CPLANE1: variants seen among roughly 807,000 people sequenced by gnomAD.
The protein encoded by CPLANE1 is ciliogenesis and planar polarity effector 1.
CPLANE1 carries 263 observed loss-of-function variants against 362.5 expected under a neutral mutation model. That is an observed-to-expected ratio of 0.73 (90% CI 0.66 to 0.80). The LOEUF is 0.80. Ranked by LOEUF, CPLANE1 falls within the 30% of genes least tolerant of loss-of-function variation. CPLANE1 has a pLI of 0.00. For missense variants in CPLANE1, 3,461 were observed against 3,793.4 expected (o/e 0.91, Z 2.30); for synonymous variants, 1,212 against 1,302.6 (o/e 0.93, Z 1.50).
Position 37,164,313 on chromosome 5 carries a change from A to G in CPLANE1, c.7548T>C (p.His2516=), listed in dbSNP as rs1188359773. The change falls in exon 37 of 53, where the codon CAT becomes CAC. Residue 2516 remains histidine (H), a synonymous_variant. Transcript: ENST00000651892. ...IIKKPKEQQE[H]CGSHPLDDFD... ...AGTCATCCAAAGGATGGGAACCACA[A>G]TGTTCTTGTTGTTCCTAAATGAATT... 3.1e-6 allele frequency: 5 copies of G among 1,613,080 alleles called. No individual in the cohort carries two copies. The East Asian group carries it at 6.7e-5, about 22-fold the overall frequency.
At chr5:37,115,924 T>C (rs767022509) in intron 50 of CPLANE1, among the ~76,000 whole-genome samples, 7 of 151,960 alleles carry the variant, frequency 4.6e-5, no homozygotes, top group Non-Finnish European at 1.0e-4. Flanking sequence ...AAGATGCCTC[T>C]CAGTTACTAA....
At chr5:37,183,751 A>T in intron 25 of CPLANE1, 52 bp from the exon 26 acceptor site, 3 of 1,252,390 alleles carry the variant, frequency 2.4e-6, no homozygotes, top group Non-Finnish European at 3.3e-6. Context: ...TAATCACTAA[A>T]ACTGATCTTA....
At chr5:37,211,676 G>A in intron 16 of CPLANE1, 1 of 789,902 alleles carries the variant, frequency 1.3e-6, no homozygotes, top group Non-Finnish European at 2.3e-6. Flanking sequence ...CTGACAGAAT[G>A]CCCCCGCCAT....
intron 27 of CPLANE1, 95 bp downstream of exon 27, chr5:37,180,762 C>T: frequency 8.3e-7 from 1 of 1,205,932 alleles, no homozygotes; most frequent in South Asian, 1.4e-5. Flanking sequence ...AATGCTCATT[C>T]CTTTAACTTT....
intron 46 of CPLANE1, among the ~76,000 whole-genome samples, chr5:37,131,634 G>A (rs56244957): frequency 0.028 from 4,280 of 151,824 alleles, 94 homozygotes; most frequent in Middle Eastern, 0.11. Flanking sequence ...AGGTTCAAGC[G>A]ATTCTCCTGC....
intron 47 of CPLANE1, among the ~76,000 whole-genome samples, chr5:37,123,491 C>T (rs1418702695): frequency 1.3e-5 from 2 of 152,170 alleles, no homozygotes; most frequent in African/African-American, 4.8e-5. Flanking sequence ...AAAGTGTTTG[C>T]AATCTTGAAT....
intron 35 of CPLANE1, 37 bp from the exon 36 acceptor site, chr5:37,165,708 C>T: frequency 6.5e-7 from 1 of 1,550,188 alleles, no homozygotes; most frequent in Non-Finnish European, 8.7e-7. Flanking sequence ...ACTTTTACAA[C>T]TATAGCAACA....
the CPLANE1 span, chr5:37,085,892 T>A: frequency 1.2e-6 from 1 of 856,768 alleles, no homozygotes; most frequent in Non-Finnish European, 1.9e-6. Context: ...TGTACATAAT[T>A]AAAAATAATG....
At chr5:37,157,896 G>C (rs1775593473) in intron 39 of CPLANE1, 28 bp from the exon 40 acceptor site, 2 of 1,194,614 alleles carry the variant, frequency 1.7e-6, no homozygotes, top group Middle Eastern at 3.1e-4. Context: ...AAACCAAAGA[G>C]GGTTACATTC....
At chr5:37,159,029 C>T (rs1776049451) in intron 38 of CPLANE1, among the ~76,000 whole-genome samples, 1 of 151,444 alleles carries the variant, frequency 6.6e-6, no homozygotes, top group Non-Finnish European at 1.5e-5. Context: ...CGTGATCCGC[C>T]CGCCTCAGCC....
chr5:37,093,651 T>C, the CPLANE1 span, among the ~76,000 whole-genome samples: 2 of 152,200 alleles, frequency 1.3e-5, no homozygotes, highest in African/African-American at 4.8e-5. Flanking sequence ...TTACTAATTC[T>C]AGGATGCAAA....
rs964074949 is a variant in CPLANE1, at chr5:37,191,313, G to A, written c.3812-3471C>T. Among the ~76,000 whole-genome samples, 6 of 152,222 alleles carry A rather than the reference G, an allele frequency of 3.9e-5. No individual in the cohort carries two copies. In the East Asian group the frequency reaches 9.6e-4, roughly 24 times the overall value. ...TTCGGCAGGCTGAGGCGGGAGGATC[G>A]ATTGAGCCCAGGAGTTTAGACCAGC... On this transcript the variant is annotated intron_variant, in intron 21 of 52. Coordinates refer to ENST00000651892, the MANE Select transcript of CPLANE1 (RefSeq NM_001384732.1).
chr5:37,216,892 T>C (rs1486940321), intron 15 of CPLANE1, among the ~76,000 whole-genome samples: 1 of 152,224 alleles, frequency 6.6e-6, no homozygotes, highest in Non-Finnish European at 1.5e-5. Flanking sequence ...ATTTCTATCT[T>C]GTTCACTGTA....
chr5:37,171,357 ACTGCTGATCC>A (rs1779740603), intron 32 of CPLANE1, among the ~76,000 whole-genome samples: 1 of 152,216 alleles, frequency 6.6e-6, no homozygotes, highest in African/African-American at 2.4e-5. Context: ...GACTTGAACG[ACTGCTGATCC>A]CTATCCCAAG....
rs190242054 is a variant in CPLANE1, at chr5:37,179,398, G to A, written c.5783C>T (p.Ala1928Val). 6.2e-7 allele frequency: 1 copy of A among 1,612,970 alleles called. No individual in the cohort carries two copies. The highest frequency in any genetic ancestry group is 8.5e-7 in the Non-Finnish European group (1 of 1,179,280). Residue 1928 changes from alanine (A) to valine (V), a missense_variant, in exon 29 of 53, where the codon GCC becomes GTC. Transcript: ENST00000651892. ...SVGGFRSPSL[A>V]ICMMTLPQQL... ...CTGTGGTAAAGTCATCATGCAAATG[G>A]CAAGACTGGGACTTCTGAAACCTCC...
intron 19 of CPLANE1, among the ~76,000 whole-genome samples, chr5:37,200,052 G>C (rs1788691165): frequency 6.6e-6 from 1 of 152,238 alleles, no homozygotes; most frequent in Non-Finnish European, 1.5e-5. Flanking sequence ...AGGGGAGCTA[G>C]TCTTCAGGTG....
At chr5:37,113,140 C>T (rs908476555) in intron 51 of CPLANE1, among the ~76,000 whole-genome samples, 2 of 152,158 alleles carry the variant, frequency 1.3e-5, no homozygotes, top group Non-Finnish European at 2.9e-5. Context: ...GATTTAGAAG[C>T]TGGTACGGTT....
At chr5:37,217,273 A>C (rs1488652939) in intron 15 of CPLANE1, among the ~76,000 whole-genome samples, 1 of 152,250 alleles carries the variant, frequency 6.6e-6, no homozygotes, top group African/African-American at 2.4e-5. Context: ...TTGTCACAGA[A>C]TAAAGCTGTA....
At chr5:37,154,465 T>TTTTTTTTTTTTTTTTG (rs1774480893) in intron 41 of CPLANE1, among the ~76,000 whole-genome samples, 1 of 138,380 alleles carries the variant, frequency 7.2e-6, no homozygotes, top group African/African-American at 3.1e-5. Context: ...AGTTCTTTTT[T>TTTTTTTTTTTTTTTTG]TTTTTTTTTT....
Sources: gnomAD v4.1 joint callset for allele counts (sites outside exome capture counted in the v4.1 genomes callset) on GRCh38, gnomAD v4.1.1 for gene constraint, MANE v1.5 for transcripts, NCBI Gene and HGNC (gene_info 2026-07-23, HGNC 2026-07-21) for gene names.